The following AZIN1 variants were observed in gnomAD, a reference collection of about 807,000 sequenced individuals.
AZIN1 encodes the protein antizyme inhibitor 1.
In AZIN1, 12 loss-of-function variants were observed where a neutral mutation model predicts 47.4. That is an observed-to-expected ratio of 0.25 (90% CI 0.16 to 0.41). The LOEUF (loss-of-function observed/expected upper bound fraction) is 0.41. Ranked by LOEUF, AZIN1 falls within the 10% of genes least tolerant of loss-of-function variation. The pLI is 1.00. For synonymous variants in AZIN1, 155 were observed against 176.3 expected (o/e 0.88, Z 0.96); for missense variants, 410 against 532.4 (o/e 0.77, Z 2.26).
chr8:102,836,066 T>C (rs1811804021), intron 6 of AZIN1, among the ~76,000 whole-genome samples, 190 bp downstream of exon 6: 2 of 152,150 alleles, frequency 1.3e-5, no homozygotes, highest in East Asian at 3.8e-4. Context: ...CACAAAACAG[T>C]ATGAAAAGGG....
intron 5 of AZIN1, chr8:102,836,619 T>C: frequency 2.0e-6 from 1 of 501,052 alleles, no homozygotes; most frequent in Non-Finnish European, 3.5e-6. Flanking sequence ...ATGCAGCAAG[T>C]TAAGACTCTG....
intron 3 of AZIN1, among the ~76,000 whole-genome samples, chr8:102,841,405 G>C (rs1424285124): frequency 6.6e-6 from 1 of 152,114 alleles, no homozygotes; most frequent in African/African-American, 2.4e-5. Context: ...GGGATGGAAG[G>C]AATATTTCAA....
chr8:102,851,306 A>G (rs1343920992), intron 2 of AZIN1, among the ~76,000 whole-genome samples: 2 of 152,222 alleles, frequency 1.3e-5, no homozygotes, highest in African/African-American at 2.4e-5. Flanking sequence ...TGGTTACCTT[A>G]AGGCAGAGCT....
At chr8:102,843,368 T>G (rs991678926) in intron 3 of AZIN1, among the ~76,000 whole-genome samples, 183 bp downstream of exon 3, 1 of 152,010 alleles carries the variant, frequency 6.6e-6, no homozygotes, top group Non-Finnish European at 1.5e-5. Flanking sequence ...TTTAAAATAA[T>G]GTGGATTGGA....
intron 1 of AZIN1, among the ~76,000 whole-genome samples, chr8:102,860,223 C>A (rs989695172): frequency 6.6e-6 from 1 of 152,106 alleles, no homozygotes; most frequent in Non-Finnish European, 1.5e-5. Context: ...AGAGAGGGCT[C>A]GGTTGGTCAG....
chr8:102,841,371 C>T (rs1812167693), intron 3 of AZIN1, among the ~76,000 whole-genome samples: 1 of 152,186 alleles, frequency 6.6e-6, no homozygotes, highest in African/African-American at 2.4e-5. Flanking sequence ...TTGAATGCTA[C>T]TAAACGTGGG....
intron 6 of AZIN1, chr8:102,835,547 C>T: frequency 6.6e-6 from 1 of 152,408 alleles, no homozygotes; most frequent in Non-Finnish European, 1.5e-5. Context: ...CTTTGGGAGG[C>T]CAAGGCAGGA....
At chr8:102,841,442 T>C (rs1298905952) in intron 3 of AZIN1, among the ~76,000 whole-genome samples, 1 of 152,146 alleles carries the variant, frequency 6.6e-6, no homozygotes, top group Non-Finnish European at 1.5e-5. Context: ...CCGAAAAGTG[T>C]TGCAAAAAGT....
At chr8:102,844,163 T>C (rs1007357876) in intron 2 of AZIN1, among the ~76,000 whole-genome samples, 1 of 152,204 alleles carries the variant, frequency 6.6e-6, no homozygotes, top group Non-Finnish European at 1.5e-5. Flanking sequence ...TCCAATATAC[T>C]GTCAGCCACG....
chr8:102,831,860 G>T (rs1176841775), intron 9 of AZIN1, among the ~76,000 whole-genome samples: 1 of 151,926 alleles, frequency 6.6e-6, no homozygotes. Flanking sequence ...GAGGTTGAAG[G>T]TAGGAGGACT....
intron 2 of AZIN1, among the ~76,000 whole-genome samples, chr8:102,852,126 T>C (rs1436185695): frequency 1.3e-5 from 2 of 152,222 alleles, no homozygotes; most frequent in East Asian, 3.8e-4. Context: ...GATAACCCCA[T>C]CCTACCTTTG....
chr8:102,856,206 T>C (rs951790746), intron 2 of AZIN1: 9 of 152,068 alleles, frequency 5.9e-5, no homozygotes, highest in African/African-American at 1.9e-4. Context: ...TGTGGACCTG[T>C]AGCTTTATAG....
At chr8:102,841,534 C>T (rs1283127358) in intron 3 of AZIN1, among the ~76,000 whole-genome samples, 1 of 151,996 alleles carries the variant, frequency 6.6e-6, no homozygotes, top group African/African-American at 2.4e-5. Context: ...AATGGCTTGG[C>T]AGAAATTGGT....
At chr8:102,841,805 T>TAAAAAAAA (rs1269379100) in intron 3 of AZIN1, among the ~76,000 whole-genome samples, 2 of 114,442 alleles carry the variant, frequency 1.7e-5, no homozygotes, top group African/African-American at 6.5e-5. Context: ...TATATATATA[T>TAAAAAAAA]AAAAAAAAAA....
At chr8:102,851,192 TTACAA>T (rs1490754912) in intron 2 of AZIN1, among the ~76,000 whole-genome samples, 1 of 152,162 alleles carries the variant, frequency 6.6e-6, no homozygotes, top group East Asian at 1.9e-4. Context: ...AAGATAACTA[TTACAA>T]TACAACATGA....
At chr8:102,856,931 C>A (rs570129460) in intron 2 of AZIN1, among the ~76,000 whole-genome samples, 1 of 152,044 alleles carries the variant, frequency 6.6e-6, no homozygotes, top group Non-Finnish European at 1.5e-5. Flanking sequence ...GCAATTCGTC[C>A]GAAGACTACA....
Position 102,828,462 on chromosome 8 carries a change from A to G in AZIN1, c.*105T>C. On this transcript the variant is annotated 3_prime_UTR_variant, in exon 12 of 12. Transcript: ENST00000337198. ...CTATTACTAATAGTTTTTGTTGCCA[A>G]AAGAATTAAGAGAATAAGATTGTTT... 1 of 748,018 alleles carries G rather than the reference A, an allele frequency of 1.3e-6. No homozygotes were observed. Among genetic ancestry groups the G allele is most frequent in the Non-Finnish European group, 2.1e-6 (1 of 481,674 alleles). The allele number at this position is 748,018 out of a possible 1,614,324, so 46.3% of individuals were successfully genotyped here.
intron 2 of AZIN1, among the ~76,000 whole-genome samples, chr8:102,855,224 T>C (rs1813206450): frequency 6.6e-6 from 1 of 152,108 alleles, no homozygotes; most frequent in South Asian, 2.1e-4. Flanking sequence ...GCTCGACTAA[T>C]TTTATATTTT....
intron 3 of AZIN1, among the ~76,000 whole-genome samples, chr8:102,843,163 G>C (rs866121685): frequency 1.9e-4 from 27 of 145,440 alleles, no homozygotes; most frequent in Middle Eastern, 3.6e-3. Context: ...CCAAGATCAC[G>C]CCACTGCACT....
Sources: gnomAD v4.1 joint callset for allele counts (sites outside exome capture counted in the v4.1 genomes callset) on GRCh38, gnomAD v4.1.1 for gene constraint, MANE v1.5 for transcripts, NCBI Gene and HGNC (gene_info 2026-07-23, HGNC 2026-07-21) for gene names.